Variants in COL5A1 observed in about 807,000 individuals in gnomAD.
The protein encoded by COL5A1 is collagen type V alpha 1 chain, also known as collagen alpha-1(V) chain.
COL5A1 carries 16 observed loss-of-function variants against 263.7 expected under a neutral mutation model. The observed-to-expected ratio is 0.06, with a 90% confidence interval of 0.04 to 0.09. The LOEUF is 0.09. COL5A1 is among the 10% of genes least tolerant of loss of function. The pLI, the probability that COL5A1 is intolerant of heterozygous loss-of-function variation, is 1.00. For missense variants in COL5A1, 2,036 were observed against 2,540.5 expected (o/e 0.80, Z 4.27); for synonymous variants, 1,012 against 1,004.5 (o/e 1.01, Z -0.14).
chr9:134,829,119 A>G (rs1043833832), intron 63 of COL5A1, among the ~76,000 whole-genome samples: 6 of 151,804 alleles, frequency 4.0e-5, no homozygotes, highest in African/African-American at 1.5e-4. Flanking sequence ...CCCTTGGTCC[A>G]TCATTCATTC....
chr9:134,666,087 G>A (rs945745538), intron 1 of COL5A1, among the ~76,000 whole-genome samples: 2 of 152,012 alleles, frequency 1.3e-5, no homozygotes, highest in South Asian at 2.1e-4. Context: ...ACTCCATCTC[G>A]AAATAAAATA....
At chr9:134,726,880 T>C (rs1390632657) in intron 4 of COL5A1, among the ~76,000 whole-genome samples, 1 of 151,120 alleles carries the variant, frequency 6.6e-6, no homozygotes, top group African/African-American at 2.4e-5. Context: ...GATAGGTGAA[T>C]GGGTGAATGG....
Position 134,815,618 on chromosome 9 carries a change from C to T in COL5A1, c.4057C>T (p.Pro1353Ser), listed in dbSNP as rs762299721. ...TGGAGATCCTGGCCCCCCCGGAGAGCCTGGCCCCGCGGTAGGTGCTCAAGA... is the reference window on the plus strand; with the variant it reads ...TGGAGATCCTGGCCCCCCCGGAGAGTCTGGCCCCGCGGTAGGTGCTCAAGA... ...FPGDPGPPGEPGPAGQDGPPG... is the reference protein window; with the variant it reads ...FPGDPGPPGESGPAGQDGPPG... The change falls in exon 51 of 66, where the codon CCT becomes TCT. Residue 1353 changes from proline to serine, a missense_variant. Pro to Ser is a moderately conservative substitution (Grantham distance 74, BLOSUM62 -1). This residue lies in a region of COL5A1 where 1,078 missense variants were observed against 1,521.4 expected (regional missense o/e 0.71). Transcript: ENST00000371817. 1 of 1,613,754 alleles carries T rather than the reference C, an allele frequency of 6.2e-7. No individual in the cohort carries two copies.
chr9:134,711,793 A>T (rs901637842), intron 4 of COL5A1, among the ~76,000 whole-genome samples: 2 of 151,736 alleles, frequency 1.3e-5, no homozygotes, highest in Non-Finnish European at 2.9e-5. Context: ...GCATCTCCTG[A>T]TCCAAATCCC....
chr9:134,817,026 G>C lies in COL5A1; in HGVS notation c.4123G>C (p.Gly1375Arg). The C allele has an allele frequency of 6.2e-7, 1 of 1,613,838 alleles. No homozygotes were observed. The highest frequency in any genetic ancestry group is 8.5e-7 in the Non-Finnish European group (1 of 1,179,754). Residue 1375 changes from glycine (G) to arginine (R), a missense_variant and splice_region_variant, in exon 53 of 66, where the codon GGA (glycine) becomes CGA (arginine). Gly to Arg is a moderately radical substitution (Grantham distance 125). Around this residue, in one of 3 missense-constraint regions of COL5A1, gnomAD observed 1,078 missense variants for 1,521.4 expected, o/e 0.71. Coordinates refer to ENST00000371817, the MANE Select transcript of COL5A1 (RefSeq NM_000093.5). ...KGDDGEPGQT[G>R]SPGPTGEPGP... ...ACTCTGTTCTTTCTCCCAATACCAG[G>C]GATCCCCCGGCCCTACTGGTGAACC...
At chr9:134,732,812 C>T (rs757006064) in intron 9 of COL5A1, 14 of 158,954 alleles carry the variant, frequency 8.8e-5, no homozygotes, top group Non-Finnish European at 1.5e-4. Flanking sequence ...TGGTGGGGGC[C>T]CTGCCCCATA....
intron 6 of COL5A1, among the ~76,000 whole-genome samples, chr9:134,729,193 G>C (rs960781912): frequency 1.3e-5 from 2 of 152,208 alleles, no homozygotes; most frequent in Admixed American, 1.3e-4. Flanking sequence ...GGGCTCCCCC[G>C]GGGGGTGACG....
intron 18 of COL5A1, among the ~76,000 whole-genome samples, 166 bp from the exon 19 acceptor site, chr9:134,761,759 G>A (rs986717172): frequency 6.6e-6 from 1 of 152,202 alleles, no homozygotes; most frequent in African/African-American, 2.4e-5. Context: ...GCATTAGCCC[G>A]GCTGAGGCAC....
intron 27 of COL5A1, among the ~76,000 whole-genome samples, chr9:134,778,955 G>C (rs7043697): frequency 0.15 from 22,864 of 152,288 alleles, 1,918 homozygotes; most frequent in African/African-American, 0.22. Context: ...GCAGCCCAAG[G>C]CCAGCCACCT....
rs115556425 is a variant in COL5A1, at chr9:134,830,584, T to C, written c.5136+540T>C. Reference sequence around the variant, plus strand: ...CCAGACCACTTAAGCCATTCAGAGCTCCTTCTAGGACCTGCACCACGGATC... The same window carrying C: ...CCAGACCACTTAAGCCATTCAGAGCCCCTTCTAGGACCTGCACCACGGATC... On this transcript the variant is annotated intron_variant, in intron 64 of 65. Coordinates refer to ENST00000371817, the MANE Select transcript of COL5A1 (RefSeq NM_000093.5). Among the ~76,000 whole-genome samples the C allele has an allele frequency of 6.8e-3, 1,042 of 152,214 alleles. 13 individuals are homozygous for C. Among genetic ancestry groups the C allele is most frequent in the African/African-American group, 0.024 (992 of 41,528 alleles).
chr9:134,785,010 C>T lies in COL5A1; in HGVS notation c.2506C>T (p.Pro836Ser). The change falls in exon 30 of 66, where the codon CCC becomes TCC. Residue 836 changes from proline (P) to serine (S), a missense_variant. Physicochemically the swap from Pro to Ser is moderately conservative, Grantham distance 74. Coordinates refer to ENST00000371817, the MANE Select transcript of COL5A1 (RefSeq NM_000093.5). ...GCAGGGGGAGATCGGCCCACCCGGT[C>T]CCAGGGGAGAAGATGGCCCTGAAGG... is the stretch of plus-strand genomic sequence containing the variant. ...GDRGEIGPPG[P>S]RGEDGPEGPK... 1 of 1,613,320 alleles carries T rather than the reference C, an allele frequency of 6.2e-7. No homozygotes were observed. The highest frequency in any genetic ancestry group is 8.5e-7 in the Non-Finnish European group (1 of 1,179,994).
At chr9:134,733,033 T>C (rs1235946345) in intron 9 of COL5A1, among the ~76,000 whole-genome samples, 1 of 152,180 alleles carries the variant, frequency 6.6e-6, no homozygotes, top group Non-Finnish European at 1.5e-5. Context: ...CACCCTGCCA[T>C]GTTGTCCAAG....
intron 9 of COL5A1, among the ~76,000 whole-genome samples, chr9:134,738,167 G>T (rs1835170625): frequency 6.6e-6 from 1 of 152,208 alleles, no homozygotes; most frequent in Non-Finnish European, 1.5e-5. Flanking sequence ...CAGGGAGCCT[G>T]GCGGTCTCGG....
chr9:134,802,007 G>C lies in COL5A1; in HGVS notation c.3006G>C (p.Gln1002His). Residue 1002 changes from glutamine to histidine, a missense_variant and splice_region_variant, in exon 38 of 66, where the codon CAG becomes CAC. Physicochemically the swap from Gln to His is conservative, Grantham distance 24. Transcript: ENST00000371817. ...GCCCCCCCGGCGTGGTCGGCCCTCA[G>C]GTAAGCTCCAGCCTTCCCAGATTCC... is the stretch of plus-strand genomic sequence containing the variant. ...PPGPPGVVGP[Q>H]GPTGETGPMG... 1.2e-6 allele frequency: 2 copies of C among 1,613,368 alleles called. No individual in the cohort carries two copies. The highest frequency in any genetic ancestry group is 1.7e-6 in the Non-Finnish European group (2 of 1,180,002).
At chr9:134,781,462 G>A (rs1837252918) in intron 28 of COL5A1, among the ~76,000 whole-genome samples, 1 of 152,236 alleles carries the variant, frequency 6.6e-6, no homozygotes, top group Non-Finnish European at 1.5e-5. Context: ...ATTCCATCCC[G>A]TTGGTCCCCG....
At chr9:134,702,003 C>T (rs1833691446) in intron 4 of COL5A1, among the ~76,000 whole-genome samples, 1 of 152,204 alleles carries the variant, frequency 6.6e-6, no homozygotes, top group Non-Finnish European at 1.5e-5. Context: ...CTGCAGGTGA[C>T]CAGTGATCCC....
intron 18 of COL5A1, among the ~76,000 whole-genome samples, chr9:134,760,759 A>ACT (rs150017519): frequency 0.11 from 14,372 of 132,638 alleles, 1,442 homozygotes; most frequent in African/African-American, 0.26. Context: ...CACACCCCAC[A>ACT]CATACACGAA....
At chr9:134,763,595 C>T in intron 19 of COL5A1, 98 bp from the exon 20 acceptor site, 1 of 1,243,770 alleles carries the variant, frequency 8.0e-7, no homozygotes, top group African/African-American at 1.5e-5. Flanking sequence ...GTATGTGAAG[C>T]AGCCCCAAGC....
At chr9:134,699,772 G>A (rs1464812467) in intron 2 of COL5A1, 137 bp from the exon 3 acceptor site, 3 of 820,834 alleles carry the variant, frequency 3.7e-6, no homozygotes, top group African/African-American at 1.7e-5. Context: ...AGGGGCAGAT[G>A]TGCAGCAGAT....
Sources: gnomAD v4.1 joint callset for allele counts (sites outside exome capture counted in the v4.1 genomes callset) on GRCh38, gnomAD v4.1.1 for gene constraint, gnomAD v4.1.1 regional missense constraint, MANE v1.5 for transcripts, NCBI Gene and HGNC (gene_info 2026-07-23, HGNC 2026-07-21) for gene names.